COX18: variants seen among roughly 807,000 people sequenced by gnomAD.
The protein encoded by COX18 is cytochrome c oxidase assembly protein COX18, mitochondrial.
COX18 carries 45 observed loss-of-function variants against 38.0 expected under a neutral mutation model. The observed-to-expected ratio is 1.18, with a 90% CI of 0.93 to 1.52. The LOEUF is 1.52. Among genes scored for constraint, COX18 ranks in the 40% most tolerant of loss-of-function variants. The probability of loss-of-function intolerance (pLI) is 0.00; values close to 1 mark genes in which losing one functional copy is unlikely to be tolerated. For synonymous variants in COX18, 177 were observed against 169.8 expected (o/e 1.04, Z -0.33); for missense variants, 462 against 423.8 (o/e 1.09, Z -0.79).
intron 5 of COX18, among the ~76,000 whole-genome samples, chr4:73,059,461 T>TA (rs149482643): frequency 2.5e-4 from 38 of 152,306 alleles, no homozygotes; most frequent in East Asian, 1.5e-3. Flanking sequence ...ATTCAGCACT[T>TA]ACATTTGTTA....
At position 73,057,674 on chromosome 4, in the gene COX18, C is replaced by CTT; in HGVS notation, c.*438_*439dup. 6.7e-6 allele frequency: 1 copy of CTT among 150,282 alleles called. No individual in the cohort carries two copies. Among genetic ancestry groups the CTT allele is most frequent in the Non-Finnish European group, 1.5e-5 (1 of 67,690 alleles). 9.3% of individuals were successfully genotyped at this position (150,282 alleles called of 1,614,324 possible). ...ACTGTCAAATATATCTGGATTACAT[C>CTT]TTTTTTTTTTCTTTGATAGCGTTTC... On this transcript the variant is annotated 3_prime_UTR_variant, in exon 6 of 6. Coordinates refer to ENST00000507544, the MANE Select transcript of COX18 (RefSeq NM_001297732.2).
At chr4:73,068,914 C>A (rs948895275) in intron 1 of COX18, among the ~76,000 whole-genome samples, 18 of 152,172 alleles carry the variant, frequency 1.2e-4, no homozygotes, top group African/African-American at 4.3e-4. Context: ...ATAAGAAAGA[C>A]CAGCTGGAAT....
In COX18 at chr4:73,057,102, CAGAG is replaced by C. The variant is rs1177355782; in HGVS notation, c.*1008_*1011del. 1 of 149,300 alleles carries C rather than the reference CAGAG, an allele frequency of 6.7e-6. No homozygotes were observed. Among genetic ancestry groups the C allele is most frequent in the Non-Finnish European group, 1.5e-5 (1 of 67,758 alleles). 9.2% of individuals were successfully genotyped at this position (149,300 alleles called of 1,614,324 possible). A position where few individuals can be genotyped will look rare whatever the true frequency, so the allele number is the denominator to read the frequency against. On this transcript the variant is annotated 3_prime_UTR_variant, in exon 6 of 6. Coordinates refer to ENST00000507544, the MANE Select transcript of COX18 (RefSeq NM_001297732.2). ...TGCCACTGCACTCCAGCCTAGGTGA[CAGAG>C]AGAGACTCTGTCTCATTAAAAAAAT...
At chr4:73,060,138 A>G (rs550919174) in intron 5 of COX18, among the ~76,000 whole-genome samples, 2 of 152,334 alleles carry the variant, frequency 1.3e-5, no homozygotes, top group South Asian at 4.1e-4. Context: ...AGAGAGCAGC[A>G]GTCTGGGTCT....
Position 73,053,539 on chromosome 4 carries a change from G to C in COX18, c.*4575C>G, listed in dbSNP as rs1257766976. 6.6e-6 allele frequency: 1 copy of C among 152,132 alleles called. No homozygotes were observed. The highest frequency in any genetic ancestry group is 1.5e-5 in the Non-Finnish European group (1 of 68,054). 9.4% of individuals were successfully genotyped at this position (152,132 alleles called of 1,614,324 possible). A position where few individuals can be genotyped will look rare whatever the true frequency, so the allele number is the denominator to read the frequency against. ...GCCTGCCCACCAGACACCCAATCTT[G>C]CAAGACTGCCATTAAAAGTCTTGCT... is the stretch of plus-strand genomic sequence containing the variant. On this transcript the variant is annotated 3_prime_UTR_variant, in exon 6 of 6. Coordinates refer to ENST00000507544, the MANE Select transcript of COX18 (RefSeq NM_001297732.2).
At position 73,058,174 on chromosome 4, in the gene COX18, T is replaced by C; in HGVS notation, c.945A>G (p.Ser315=). ...LCRIPSTKSD[S]ETPYKDIFAA... ...CAAATATGTCTTTATAAGGAGTTTC[T>C]GAATCTGACTTGGTCGATGGTATTC... Residue 315 remains serine, a synonymous_variant, in exon 6 of 6, where the codon TCA becomes TCG. Transcript: ENST00000507544. 3 of 1,613,268 alleles carry C rather than the reference T, an allele frequency of 1.9e-6. No homozygotes were observed. The highest frequency in any genetic ancestry group is 2.5e-6 in the Non-Finnish European group (3 of 1,179,570).
chr4:73,069,224 A>AC (rs1162822046), intron 1 of COX18, 93 bp downstream of exon 1: 1 of 919,730 alleles, frequency 1.1e-6, no homozygotes, highest in Non-Finnish European at 1.6e-6. Context: ...GCAGAAGGCA[A>AC]CATCGTGCGA....
At chr4:73,059,803 G>T (rs1024558572) in intron 5 of COX18, among the ~76,000 whole-genome samples, 2 of 151,954 alleles carry the variant, frequency 1.3e-5, no homozygotes, top group African/African-American at 4.8e-5. Context: ...AAAAGAAAAA[G>T]AACCTGCGGC....
chr4:73,058,952 ACCCTAGATC>A (rs1174767814), intron 5 of COX18, among the ~76,000 whole-genome samples: 3 of 152,058 alleles, frequency 2.0e-5, no homozygotes, highest in Non-Finnish European at 4.4e-5. Flanking sequence ...AGGAGTGTAC[ACCCTAGATC>A]CCTCACCTGT....
intron 4 of COX18, among the ~76,000 whole-genome samples, chr4:73,063,522 T>C (rs61149200): frequency 0.22 from 33,890 of 152,146 alleles, 5,141 homozygotes; most frequent in African/African-American, 0.43. Context: ...TCCAAGTAGC[T>C]GGAACTAGAG....
chr4:73,065,175 T>G (rs79402424), intron 3 of COX18, 75 bp downstream of exon 3: 8 of 638,794 alleles, frequency 1.3e-5, no homozygotes, highest in African/African-American at 4.1e-5. Flanking sequence ...AAGTATGCTT[T>G]TTTTTTTTTT....
chr4:73,069,402 CA>C lies in COX18; in HGVS notation c.247del (p.Trp83GlyfsTer37), dbSNP rs756939945. 6.4e-7 allele frequency: 1 copy of C among 1,567,712 alleles called. No homozygotes were observed. Among genetic ancestry groups the C allele is most frequent in the African/African-American group, 1.4e-5 (1 of 74,064 alleles). ...GVHAATGLPW[W>X]GSILLSTVAL... ...CACGGTGGAGAGCAGAATGCTGCCCCACCAGGGCAGGCCCGTGGCGGCGTGC... is the reference window on the plus strand; with the variant it reads ...CACGGTGGAGAGCAGAATGCTGCCCCCCAGGGCAGGCCCGTGGCGGCGTGC... On this transcript the variant is annotated frameshift_variant, in exon 1 of 6. Coordinates refer to ENST00000507544, the MANE Select transcript of COX18 (RefSeq NM_001297732.2). LOFTEE classifies it high-confidence loss of function.
intron 5 of COX18, 77 bp from the exon 6 acceptor site, chr4:73,058,364 G>T: frequency 9.2e-7 from 1 of 1,086,706 alleles, no homozygotes; most frequent in Non-Finnish European, 1.3e-6. Flanking sequence ...AAAATAAAAT[G>T]ACAATCTTTG....
chr4:73,067,983 TGTGTG>T, intron 2 of COX18, 41 bp downstream of exon 2: 3 of 1,010,810 alleles, frequency 3.0e-6, no homozygotes, highest in Non-Finnish European at 3.1e-6. Context: ...TGTGTGTGTG[TGTGTG>T]TATGTGTGCG....
Position 73,058,243 on chromosome 4 carries a change from TGAAAGGCCCACGAAGCTG to T in COX18, c.858_875del (p.Ser287_Ser292del). On this transcript the variant is annotated inframe_deletion, in exon 6 of 6. Transcript: ENST00000507544. ...CAGGAGAACGCAGCAGCAAATTCTG[TGAAAGGCCCACGAAGCTG>T]GAGCATAACCAGTAGAGAACAATTG... 1 of 1,613,886 alleles carries T rather than the reference TGAAAGGCCCACGAAGCTG, an allele frequency of 6.2e-7. No individual in the cohort carries two copies. Among genetic ancestry groups the T allele is most frequent in the Non-Finnish European group, 8.5e-7 (1 of 1,179,942 alleles).
At position 73,056,098 on chromosome 4, in the gene COX18, T is replaced by C. The variant is rs1719878545; in HGVS notation, c.*2016A>G. On this transcript the variant is annotated 3_prime_UTR_variant, in exon 6 of 6. Transcript: ENST00000507544. ...TGACTAATGAATTTCACTTTAGTTT[T>C]TATTTTATTGTAAAACATTGAGATG... The C allele has an allele frequency of 6.6e-6, 1 of 152,218 alleles. No individual in the cohort carries two copies. The highest frequency in any genetic ancestry group is 1.5e-5 in the Non-Finnish European group (1 of 68,038). The allele number at this position is 152,218 out of a possible 1,614,324, so 9.4% of individuals were successfully genotyped here.
chr4:73,068,091 C>T lies in COX18; in HGVS notation c.372G>A (p.Arg124=). 1 of 1,605,452 alleles carries T rather than the reference C, an allele frequency of 6.2e-7. No homozygotes were observed. Among genetic ancestry groups the T allele is most frequent in the Non-Finnish European group, 8.5e-7 (1 of 1,176,406 alleles). The part of the protein sequence containing the change: ...NLQPEIKTIA[R]HLNQEVAVRA... ...GAACTGCAACTTCTTGGTTAAGATG[C>T]CTGGCAATAGTTTTTATTTCTGGCT... Residue 124 remains arginine, a synonymous_variant, in exon 2 of 6, where the codon AGG becomes AGA. Transcript: ENST00000507544.
In COX18 at chr4:73,055,568, G is replaced by A. The variant is rs1303723780; in HGVS notation, c.*2546C>T. On this transcript the variant is annotated 3_prime_UTR_variant, in exon 6 of 6. Transcript: ENST00000507544. ...AAGCACTCCAGCAGGGCATTTGGAG[G>A]CCATTTTAAACAGTAAAATCACCAA... 4 of 152,188 alleles carry A rather than the reference G, an allele frequency of 2.6e-5. No homozygotes were observed. Among genetic ancestry groups the A allele is most frequent in the Non-Finnish European group, 4.4e-5 (3 of 68,044 alleles). The allele number at this position is 152,188 out of a possible 1,614,324, so 9.4% of individuals were successfully genotyped here.
intron 4 of COX18, 138 bp downstream of exon 4, chr4:73,064,640 G>A (rs1453536277): frequency 5.2e-6 from 5 of 961,872 alleles, no homozygotes; most frequent in South Asian, 1.6e-5. Flanking sequence ...AATGCCTGAC[G>A]TGGAACCAGG....
Sources: allele counts gnomAD v4.1 joint callset (sites outside exome capture counted in the v4.1 genomes callset), GRCh38; gene constraint gnomAD v4.1.1; transcripts MANE v1.5; gene names NCBI Gene and HGNC (gene_info 2026-07-23, HGNC 2026-07-21).